The following SEC23A variants were observed in gnomAD, a reference collection of about 807,000 sequenced individuals.
The protein encoded by SEC23A is protein transport protein Sec23A.
A neutral mutation model predicts 103.7 loss-of-function variants in SEC23A; 56 were observed. The ratio of observed to expected loss-of-function variants is 0.54; its 90% CI spans 0.44 to 0.67. The LOEUF is 0.67. SEC23A is among the 30% of genes least tolerant of loss of function. The pLI, the probability that SEC23A is intolerant of heterozygous loss-of-function variation, is 0.00. For missense variants in SEC23A, 784 were observed against 936.4 expected, an observed-to-expected ratio of 0.84 and a Z score of 2.12; for synonymous variants, 281 against 293.0, an observed-to-expected ratio of 0.96 and a Z score of 0.42.
Position 39,060,119 on chromosome 14 carries a change from A to G in SEC23A, c.1505+1646T>C, listed in dbSNP as rs78215494. ...TGCACACACATGTGTGTGTGTGTGCACACACGTTGAGAGCCATAAATAAAC... is the reference window on the plus strand; with the variant it reads ...TGCACACACATGTGTGTGTGTGTGCGCACACGTTGAGAGCCATAAATAAAC... On this transcript the variant is annotated intron_variant, in intron 13 of 19. Transcript: ENST00000307712. Among the ~76,000 whole-genome samples the G allele has an allele frequency of 2.7e-3, 405 of 149,822 alleles. 3 individuals carry two copies. The highest frequency in any genetic ancestry group is 7.9e-3 in the African/African-American group (318 of 40,280).
intron 7 of SEC23A, among the ~76,000 whole-genome samples, chr14:39,080,685 C>T (rs1278156856): frequency 6.6e-6 from 1 of 152,154 alleles, no homozygotes; most frequent in Admixed American, 6.6e-5. Flanking sequence ...GGATTACAGG[C>T]ATGAGCCACT....
Position 39,042,870 on chromosome 14 carries a change from C to T in SEC23A, c.1902G>A (p.Pro634=), listed in dbSNP as rs201214772. ...GAATGCTACTGCTATCAAGAAGAACCGGCTAACGTAAAGAAAACAATGAGA... is the reference window on the plus strand; with the variant it reads ...GAATGCTACTGCTATCAAGAAGAACTGGCTAACGTAAAGAAAACAATGAGA... ...YAYSFSGPPE[P]VLLDSSSILA... The change falls in exon 17 of 20, where the codon CCG becomes CCA. Residue 634 remains proline, a splice_region_variant and synonymous_variant. Coordinates refer to ENST00000307712, the MANE Select transcript of SEC23A (RefSeq NM_006364.4). 3.8e-5 allele frequency: 61 copies of T among 1,602,602 alleles called. No individual in the cohort carries two copies. The highest frequency in any genetic ancestry group is 4.5e-5 in the East Asian group (2 of 44,714).
intron 5 of SEC23A, among the ~76,000 whole-genome samples, chr14:39,090,072 G>C (rs1237947568): frequency 6.6e-6 from 1 of 152,084 alleles, no homozygotes; most frequent in Non-Finnish European, 1.5e-5. Flanking sequence ...AATTCCCCTA[G>C]TATGTTCTCT....
chr14:39,074,613 G>GAA, intron 8 of SEC23A, 83 bp from the exon 9 acceptor site: 4 of 791,944 alleles, frequency 5.1e-6, no homozygotes, highest in Non-Finnish European at 8.6e-6. Flanking sequence ...AATGATCTAA[G>GAA]GACTAAAAGA....
chr14:39,064,740 C>CT (rs1245651145), intron 11 of SEC23A, 173 bp downstream of exon 11: 4 of 632,210 alleles, frequency 6.3e-6, no homozygotes, highest in Non-Finnish European at 8.4e-6. Context: ...GTCTTTTTTT[C>CT]TTTTTTGGGG....
chr14:39,103,056 G>C lies in SEC23A; in HGVS notation c.-46C>G, dbSNP rs1456578033. On this transcript the variant is annotated 5_prime_UTR_variant, in exon 1 of 20. Transcript: ENST00000307712. Reference sequence around the variant, plus strand: ...CCTGCGGTCCCCCAGGAGCGGAGACGAGGCGGCCCTTTCCTCACTGTCCCC... The same window carrying C: ...CCTGCGGTCCCCCAGGAGCGGAGACCAGGCGGCCCTTTCCTCACTGTCCCC... The C allele has an allele frequency of 6.5e-6, 1 of 152,726 alleles. No individual in the cohort carries two copies. The highest frequency in any genetic ancestry group is 2.4e-5 in the African/African-American group (1 of 41,446). The allele number at this position is 152,726 out of a possible 1,614,324, so 9.5% of individuals were successfully genotyped here. A position where few individuals can be genotyped will look rare whatever the true frequency, so the allele number is the denominator to read the frequency against.
At chr14:39,045,733 A>C (rs955503410) in intron 15 of SEC23A, among the ~76,000 whole-genome samples, 3 of 152,244 alleles carry the variant, frequency 2.0e-5, no homozygotes, top group African/African-American at 7.2e-5. Context: ...AGTTATTCAG[A>C]GGCTGACGCC....
At position 39,079,832 on chromosome 14, in the gene SEC23A, T is replaced by TAAATA. The variant is rs879742864; in HGVS notation, c.829-3744_829-3740dup. 3.2e-3 allele frequency among the ~76,000 whole-genome samples: 485 copies of TAAATA among 151,824 alleles called. 2 individuals carry two copies. Among genetic ancestry groups the TAAATA allele is most frequent in the South Asian group, 0.015 (71 of 4,810 alleles). On this transcript the variant is annotated intron_variant, in intron 7 of 19. Coordinates refer to ENST00000307712, the MANE Select transcript of SEC23A (RefSeq NM_006364.4). The stretch of plus-strand genomic sequence containing the variant: ...AGCAAAAATCCATCTAAAAAATAAA[T>TAAATA]AAATAAAATAAAATAAAATAAAATC...
chr14:39,050,813 A>C (rs1886031039), intron 14 of SEC23A, among the ~76,000 whole-genome samples: 1 of 150,692 alleles, frequency 6.6e-6, no homozygotes, highest in African/African-American at 2.4e-5. Flanking sequence ...GAAAGGAAGA[A>C]AGAAAGAAAG....
intron 7 of SEC23A, among the ~76,000 whole-genome samples, chr14:39,080,404 C>T (rs551591711): frequency 2.1e-4 from 32 of 152,194 alleles, no homozygotes; most frequent in African/African-American, 5.8e-4. Flanking sequence ...TTATATATAA[C>T]GGCAGTTGTT....
At chr14:39,097,250 A>G (rs1398818967) in intron 1 of SEC23A, among the ~76,000 whole-genome samples, 1 of 152,224 alleles carries the variant, frequency 6.6e-6, no homozygotes, top group Non-Finnish European at 1.5e-5. Context: ...CTACGTAGGC[A>G]ACAGCTCTAT....
At position 39,064,956 on chromosome 14, in the gene SEC23A, G is replaced by C; in HGVS notation, c.1265C>G (p.Pro422Arg). The C allele has an allele frequency of 6.2e-7, 1 of 1,613,084 alleles. No individual in the cohort carries two copies. Residue 422 changes from proline (P) to arginine (R), a missense_variant, in exon 11 of 20, where the codon CCC becomes CGC. Around this residue, in one of 2 missense-constraint regions of SEC23A, gnomAD observed 683 missense variants for 774.2 expected, o/e 0.88. Coordinates refer to ENST00000307712, the MANE Select transcript of SEC23A (RefSeq NM_006364.4). ...REIKISGAIG[P>R]CVSLNSKGPC... ...TCCTTTAGAATTGAGTGACACACAG[G>C]GTCCAATAGCTCCTGAAATCTTTAT...
chr14:39,040,867 C>T lies in SEC23A; in HGVS notation c.2007G>A (p.Lys669=). Residue 669 remains lysine, a synonymous_variant, in exon 18 of 20, where the codon AAG becomes AAA. Coordinates refer to ENST00000307712, the MANE Select transcript of SEC23A (RefSeq NM_006364.4). ...YHGETIAQWR[K]SGYQDMPEYE... ...ACTCAGGCATATCCTGGTATCCTGA[C>T]TTCCGCCACTGTGCTATGGTCTAAT... 2 of 1,614,106 alleles carry T rather than the reference C, an allele frequency of 1.2e-6. No individual in the cohort carries two copies. Among genetic ancestry groups the T allele is most frequent in the South Asian group, 1.1e-5 (1 of 91,078 alleles).
rs1334176409 is a variant in SEC23A at position 39,096,097 on chromosome 14, T to G, written c.22A>C (p.Ile8Leu). The G allele has an allele frequency of 4.3e-6, 7 of 1,613,478 alleles. No homozygotes were observed. The highest frequency in any genetic ancestry group is 3.4e-6 in the Non-Finnish European group (4 of 1,179,372). The change falls in exon 2 of 20, where the codon ATT becomes CTT. Residue 8 changes from isoleucine to leucine, a missense_variant. By Grantham distance (5) the Ile-to-Leu change is conservative (BLOSUM62 2). This residue lies in a region of SEC23A where 683 missense variants were observed against 774.2 expected (regional missense o/e 0.88). Transcript: ENST00000307712. MTTYLEFIQQNEERDGVR... is the reference protein window; with the variant it reads MTTYLEFLQQNEERDGVR... ...CCATCTCGTTCTTCATTTTGTTGAA[T>G]GAATTCCAAATAGGTTGTCATTGTG...
intron 5 of SEC23A, chr14:39,090,905 G>A (rs577839234): frequency 1.0e-5 from 3 of 290,516 alleles, no homozygotes; most frequent in Non-Finnish European, 2.0e-5. Flanking sequence ...GTTTGCAAAG[G>A]ACTGGCCAAT....
chr14:39,040,958 A>C, intron 17 of SEC23A, 71 bp from the exon 18 acceptor site: 1 of 1,518,348 alleles, frequency 6.6e-7, no homozygotes, highest in Non-Finnish European at 8.8e-7. Flanking sequence ...ATTTTTCCAA[A>C]GAAAATAATC....
intron 14 of SEC23A, 109 bp from the exon 15 acceptor site, chr14:39,048,838 C>A: frequency 1.5e-6 from 1 of 663,832 alleles, no homozygotes; most frequent in Non-Finnish European, 2.6e-6. Flanking sequence ...GAAGCAGATA[C>A]TTGATAAAGA....
Position 39,070,403 on chromosome 14 carries a change from C to T in SEC23A, c.1104-3107G>A, listed in dbSNP as rs568659561. On this transcript the variant is annotated intron_variant, in intron 9 of 19. Transcript: ENST00000307712. ...TCTGTGACGACAGTTACCCTGATGC[C>T]AACACCAAACAAAAGAAAACTACAG... Among the ~76,000 whole-genome samples, 13 of 152,240 alleles carry T rather than the reference C, an allele frequency of 8.5e-5. No homozygotes were observed. In the South Asian group the frequency reaches 2.5e-3, roughly 29 times the overall value.
chr14:39,070,612 T>C (rs1886811483), intron 9 of SEC23A, among the ~76,000 whole-genome samples: 1 of 152,322 alleles, frequency 6.6e-6, no homozygotes, highest in Non-Finnish European at 1.5e-5. Flanking sequence ...AGTCACATGA[T>C]CATATCAATA....
Sources: gnomAD v4.1 joint callset for allele counts (sites outside exome capture counted in the v4.1 genomes callset) on GRCh38, gnomAD v4.1.1 for gene constraint, gnomAD v4.1.1 regional missense constraint, MANE v1.5 for transcripts, NCBI Gene and HGNC (gene_info 2026-07-23, HGNC 2026-07-21) for gene names.